RXFP1: variants seen among roughly 807,000 people sequenced by gnomAD.
RXFP1 encodes the protein relaxin family peptide receptor 1, also known as relaxin receptor 1.
A neutral mutation model predicts 89.8 loss-of-function variants in RXFP1; 73 were observed. That is an observed-to-expected ratio of 0.81 (90% CI 0.67 to 0.99). The LOEUF is 0.99. Among genes scored for constraint, RXFP1 ranks in the 50% least tolerant of loss-of-function variants. The pLI, the probability that RXFP1 is intolerant of heterozygous loss-of-function variation, is 0.00. For missense variants in RXFP1, 793 were observed against 895.5 expected (o/e 0.89, Z 1.46); for synonymous variants, 277 against 305.5 (o/e 0.91, Z 0.97).
At chr4:158,595,756 G>A (rs1199881808) in intron 3 of RXFP1, among the ~76,000 whole-genome samples, 1 of 152,064 alleles carries the variant, frequency 6.6e-6, no homozygotes, top group Non-Finnish European at 1.5e-5. Context: ...AGTTTAAGGG[G>A]ATAGACGTCA....
chr4:158,638,000 A>ATTT lies in RXFP1; in HGVS notation c.972-8_972-7insTTT, dbSNP rs1769547205. The ATTT allele has an allele frequency of 1.3e-6, 2 of 1,570,660 alleles. No individual in the cohort carries two copies. Among genetic ancestry groups the ATTT allele is most frequent in the Non-Finnish European group, 1.7e-6 (2 of 1,143,836 alleles). On this transcript the variant is annotated splice_polypyrimidine_tract_variant and splice_region_variant and intron_variant, in intron 12 of 17. Coordinates refer to ENST00000307765, the MANE Select transcript of RXFP1 (RefSeq NM_021634.4). ...AAATGACCTATTGCTGCTTTTTTTA[A>ATTT]AAAACAGGAATCTTTCCTATAATCC... is the stretch of plus-strand genomic sequence containing the variant.
At chr4:158,543,633 C>T (rs1035361483) in intron 1 of RXFP1, 15 of 410,572 alleles carry the variant, frequency 3.7e-5, no homozygotes, top group African/African-American at 3.0e-4. Flanking sequence ...CCCTCCCAGT[C>T]AGTATTTATA....
chr4:158,648,409 A>G (rs1459412680), intron 16 of RXFP1, 90 bp from the exon 17 acceptor site: 3 of 779,580 alleles, frequency 3.8e-6, no homozygotes, highest in East Asian at 2.8e-5. Flanking sequence ...ACATCTTTGT[A>G]TCTTTAATAA....
chr4:158,609,709 C>T (rs1350265558), intron 6 of RXFP1, among the ~76,000 whole-genome samples: 1 of 152,178 alleles, frequency 6.6e-6, no homozygotes, highest in African/African-American at 2.4e-5. Flanking sequence ...ACCACTTTAG[C>T]CATGTCCTCT....
intron 1 of RXFP1, among the ~76,000 whole-genome samples, chr4:158,551,847 AGGAGGATTG>A (rs1750213095): frequency 1.3e-5 from 2 of 152,264 alleles, no homozygotes; most frequent in South Asian, 4.1e-4. Flanking sequence ...AGGCTGAGGT[AGGAGGATTG>A]CTTGAGCCCA....
Position 158,542,109 on chromosome 4 carries a change from A to ATATATATATATATTTTTT in RXFP1, c.49+20085_49+20086insATATATATATATTTTTTT. ...TATATATATATATATATATATATAT[A>ATATATATATATATTTTTT]TTTTTTTTTTAGTAGAGACAGGGTT... is the stretch of plus-strand genomic sequence containing the variant. On this transcript the variant is annotated intron_variant, in intron 1 of 17. Transcript: ENST00000307765. Among the ~76,000 whole-genome samples, 183 of 35,130 alleles carry ATATATATATATATTTTTT rather than the reference A, an allele frequency of 5.2e-3. 7 individuals carry two copies. Among genetic ancestry groups the ATATATATATATATTTTTT allele is most frequent in the African/African-American group, 8.5e-3 (91 of 10,742 alleles). 23.0% of individuals were successfully genotyped at this position (35,130 alleles called of 152,430 possible). A position where few individuals can be genotyped will look rare whatever the true frequency, so the allele number is the denominator to read the frequency against.
chr4:158,572,102 A>G (rs1215070880), intron 1 of RXFP1, among the ~76,000 whole-genome samples: 1 of 152,228 alleles, frequency 6.6e-6, no homozygotes, highest in African/African-American at 2.4e-5. Context: ...AAGCCTCTGT[A>G]CAAAATCAAT....
intron 2 of RXFP1, among the ~76,000 whole-genome samples, chr4:158,580,498 A>G (rs563603122): frequency 3.6e-4 from 55 of 152,310 alleles, no homozygotes; most frequent in Non-Finnish European, 7.1e-4. Context: ...TCAAATGTAC[A>G]CAGAAAGTTG....
intron 6 of RXFP1, chr4:158,610,785 G>C: frequency 9.4e-7 from 1 of 1,067,684 alleles, no homozygotes; most frequent in Non-Finnish European, 1.3e-6. Flanking sequence ...ACCCCTTACT[G>C]TGCCCACCTG....
At chr4:158,556,321 C>T (rs1367359906) in intron 1 of RXFP1, among the ~76,000 whole-genome samples, 1 of 151,500 alleles carries the variant, frequency 6.6e-6, no homozygotes, top group Non-Finnish European at 1.5e-5. Context: ...TGAAAAAATA[C>T]TCAACATCAC....
At chr4:158,631,895 C>A in intron 11 of RXFP1, among the ~76,000 whole-genome samples, 1 of 152,080 alleles carries the variant, frequency 6.6e-6, no homozygotes, top group East Asian at 1.9e-4. Context: ...GAGTTCAAGA[C>A]CAGCCTGGGG....
At chr4:158,651,671 G>A (rs1772754295) in intron 17 of RXFP1, 86 bp from the exon 18 acceptor site, 1 of 1,028,950 alleles carries the variant, frequency 9.7e-7, no homozygotes, top group African/African-American at 1.6e-5. Context: ...TCAAAAAGGG[G>A]TTGGGATGAA....
intron 1 of RXFP1, among the ~76,000 whole-genome samples, chr4:158,556,093 C>T (rs1431847858): frequency 6.6e-6 from 1 of 151,928 alleles, no homozygotes; most frequent in Non-Finnish European, 1.5e-5. Context: ...TTATATCAAA[C>T]TGAAAAGTTT....
Position 158,610,665 on chromosome 4 carries a change from G to A in RXFP1, c.537-1465G>A, listed in dbSNP as rs1379296361. The A allele has an allele frequency of 7.0e-6, 9 of 1,289,404 alleles. No individual in the cohort carries two copies. The South Asian group carries it at 7.4e-5, about 11-fold the overall frequency. The allele number at this position is 1,289,404 out of a possible 1,614,324, so 79.9% of individuals were successfully genotyped here. Reference sequence around the variant, plus strand: ...GCAGTAAAGGATGGCTCTGAAAAATGAAGAGGACTGGGCAAAACAGGTGAG... The same window carrying A: ...GCAGTAAAGGATGGCTCTGAAAAATAAAGAGGACTGGGCAAAACAGGTGAG... On this transcript the variant is annotated intron_variant, in intron 6 of 17. Transcript: ENST00000307765.
chr4:158,595,800 G>C (rs1326257430), intron 3 of RXFP1, among the ~76,000 whole-genome samples: 2 of 152,252 alleles, frequency 1.3e-5, no homozygotes, highest in Middle Eastern at 3.4e-3. Context: ...TCAGCAATCT[G>C]TCTCAGCATC....
At chr4:158,522,820 T>C (rs1414519724) in intron 1 of RXFP1, among the ~76,000 whole-genome samples, 1 of 152,188 alleles carries the variant, frequency 6.6e-6, no homozygotes, top group African/African-American at 2.4e-5. Context: ...ATTCCGGGAA[T>C]GTGGGCTTTT....
At chr4:158,521,839 T>G, upstream of RXFP1, 1 of 530,364 alleles carries the variant, frequency 1.9e-6, no homozygotes, top group Non-Finnish European at 3.4e-6. Context: ...GAAATGGGAG[T>G]GGAAGGAGGG....
chr4:158,646,931 A>G lies in RXFP1; in HGVS notation c.1486A>G (p.Thr496Ala). 6.2e-7 allele frequency: 1 copy of G among 1,614,202 alleles called. No homozygotes were observed. Among genetic ancestry groups the G allele is most frequent in the Non-Finnish European group, 8.5e-7 (1 of 1,180,026 alleles). ...QLVGSLAILS[T>A]EVSVLLLTFL... ...TGTAGGATCTTTGGCCATTCTGTCC[A>G]CAGAAGTATCAGTTTTACTGTTAAC... Residue 496 changes from threonine to alanine, a missense_variant, in exon 16 of 18, where the codon ACA (threonine) becomes GCA (alanine). Coordinates refer to ENST00000307765, the MANE Select transcript of RXFP1 (RefSeq NM_021634.4).
chr4:158,640,544 T>C (rs1267734952), intron 14 of RXFP1, among the ~76,000 whole-genome samples: 2 of 152,158 alleles, frequency 1.3e-5, no homozygotes, highest in Admixed American at 6.5e-5. Flanking sequence ...TGCCAGCTCT[T>C]TTTAACAATC....
Sources: gnomAD v4.1 joint callset for allele counts (sites outside exome capture counted in the v4.1 genomes callset) on GRCh38, gnomAD v4.1.1 for gene constraint, MANE v1.5 for transcripts, NCBI Gene and HGNC (gene_info 2026-07-23, HGNC 2026-07-21) for gene names.